The following CDK15 variants were observed in gnomAD, a reference collection of about 807,000 sequenced individuals.
CDK15 encodes the protein cyclin-dependent kinase 15.
A neutral mutation model predicts 60.3 loss-of-function variants in CDK15; 62 were observed. The observed-to-expected ratio is 1.03, with a 90% CI of 0.84 to 1.27. The LOEUF (loss-of-function observed/expected upper bound fraction) is 1.27. Among genes scored for constraint, CDK15 ranks in the 50% most tolerant of loss-of-function variants. CDK15 has a pLI of 0.00. For synonymous variants in CDK15, 194 were observed against 195.7 expected (o/e 0.99, Z 0.07); for missense variants, 541 against 527.8 (o/e 1.03, Z -0.25).
chr2:201,888,962 A>G (rs1699552018), intron 12 of CDK15: 8 of 986,514 alleles, frequency 8.1e-6, no homozygotes, highest in Non-Finnish European at 9.6e-6. Flanking sequence ...AGTAGAATAC[A>G]AAATTGCATA....
At chr2:201,890,984 C>T (rs1021041684) in intron 13 of CDK15, 57 bp downstream of exon 13, 38 of 891,278 alleles carry the variant, frequency 4.3e-5, no homozygotes, top group African/African-American at 6.6e-5. Context: ...CAATTGGTGC[C>T]GGGTGGAGAG....
chr2:201,856,942 G>A (rs544165206), intron 10 of CDK15, among the ~76,000 whole-genome samples: 1 of 50,088 alleles, frequency 2.0e-5, no homozygotes, highest in East Asian at 3.3e-4. Context: ...ACTGGGTTCC[G>A]GCCGGGCGCG....
intron 9 of CDK15, among the ~76,000 whole-genome samples, chr2:201,848,725 G>A (rs1697777325): frequency 6.6e-6 from 1 of 152,124 alleles, no homozygotes; most frequent in South Asian, 2.1e-4. Context: ...TGTGTCAAGG[G>A]GCTTTAAATC....
chr2:201,869,143 T>A (rs946794865), intron 10 of CDK15, among the ~76,000 whole-genome samples: 1 of 152,172 alleles, frequency 6.6e-6, no homozygotes, highest in African/African-American at 2.4e-5. Flanking sequence ...TGTCCATCAA[T>A]GATAGACTGG....
At chr2:201,864,962 G>C (rs1266588992) in intron 10 of CDK15, among the ~76,000 whole-genome samples, 1 of 152,158 alleles carries the variant, frequency 6.6e-6, no homozygotes, top group East Asian at 1.9e-4. Context: ...AAAGAAGAAA[G>C]GACAATGAGG....
chr2:201,870,626 G>A (rs1049994028), intron 10 of CDK15, among the ~76,000 whole-genome samples: 4 of 152,090 alleles, frequency 2.6e-5, no homozygotes, highest in African/African-American at 7.2e-5. Context: ...CTACTCCAGA[G>A]GCTGAGGTGG....
intron 10 of CDK15, among the ~76,000 whole-genome samples, chr2:201,862,470 C>G (rs184656611): frequency 1.1e-3 from 166 of 152,318 alleles, no homozygotes; most frequent in Non-Finnish European, 3.4e-4. Context: ...AACCTGAGTT[C>G]TAGTTCCAAT....
chr2:201,851,671 T>A (rs1301826028), intron 9 of CDK15, among the ~76,000 whole-genome samples: 1 of 152,206 alleles, frequency 6.6e-6, no homozygotes, highest in African/African-American at 2.4e-5. Flanking sequence ...TGCCCACTTT[T>A]TTTTTGGAGA....
chr2:201,823,925 G>A (rs1281542044), intron 6 of CDK15, among the ~76,000 whole-genome samples, 198 bp downstream of exon 6: 1 of 152,140 alleles, frequency 6.6e-6, no homozygotes, highest in Admixed American at 6.5e-5. Flanking sequence ...GAGTTGCTGA[G>A]TTGCTTCTTA....
rs559838588 is a variant in CDK15 at position 201,895,427 on chromosome 2, C to T, written c.*2160C>T. Reference sequence around the variant, plus strand: ...CATATACCTTATGCATATGATTATGCTTGTGCTTCCTTCTTTAATGGATTT... The same window carrying T: ...CATATACCTTATGCATATGATTATGTTTGTGCTTCCTTCTTTAATGGATTT... On this transcript the variant is annotated 3_prime_UTR_variant, in exon 14 of 14. Transcript: ENST00000652192. The T allele has an allele frequency of 6.6e-6, 1 of 152,284 alleles. No individual in the cohort carries two copies. The highest frequency in any genetic ancestry group is 6.5e-5 in the Admixed American group (1 of 15,310). 9.4% of individuals were successfully genotyped at this position (152,284 alleles called of 1,614,324 possible).
chr2:201,875,614 C>T lies in CDK15; in HGVS notation c.1058+3288C>T, dbSNP rs1053596676. 1.2e-4 allele frequency among the ~76,000 whole-genome samples: 19 copies of T among 152,136 alleles called. No individual in the cohort carries two copies. In the East Asian group the frequency reaches 1.9e-3, roughly 15 times the overall value. ...ATTATGATATGCCTACATAATCGAA[C>T]GATAACAGCCAGTAAAATAATGTCC... On this transcript the variant is annotated intron_variant, in intron 11 of 13. Coordinates refer to ENST00000652192, the MANE Select transcript of CDK15 (RefSeq NM_001366386.2).
intron 9 of CDK15, among the ~76,000 whole-genome samples, chr2:201,853,343 A>G (rs1263531729): frequency 2.0e-5 from 3 of 152,150 alleles, no homozygotes; most frequent in African/African-American, 7.2e-5. Context: ...TTTTTATTAT[A>G]TGAGGGAAAA....
In CDK15 at chr2:201,833,828, A is replaced by G; in HGVS notation, c.607-20A>G. The G allele has an allele frequency of 8.7e-6, 14 of 1,609,992 alleles. No individual in the cohort carries two copies. Among genetic ancestry groups the G allele is most frequent in the Non-Finnish European group, 1.2e-5 (14 of 1,178,628 alleles). Reference sequence around the variant, plus strand: ...CGTGGTGGCTCAAATCTCCTTATGGATAGTGTTTCTTCCTTCCAGCTTTTC... The same window carrying G: ...CGTGGTGGCTCAAATCTCCTTATGGGTAGTGTTTCTTCCTTCCAGCTTTTC... On this transcript the variant is annotated intron_variant, in intron 6 of 13. Transcript: ENST00000652192.
intron 10 of CDK15, among the ~76,000 whole-genome samples, chr2:201,857,195 C>T (rs1307218342): frequency 3.8e-5 from 1 of 26,412 alleles, no homozygotes; most frequent in Non-Finnish European, 5.7e-5. Context: ...CACTGCAGTC[C>T]GCAGTCCGAC....
intron 11 of CDK15, among the ~76,000 whole-genome samples, chr2:201,872,839 T>A (rs1192364056): frequency 2.0e-5 from 3 of 152,176 alleles, no homozygotes; most frequent in African/African-American, 7.2e-5. Flanking sequence ...AACTAAGCTG[T>A]GCCAGGCAAC....
At chr2:201,844,052 T>C (rs1247833705) in intron 8 of CDK15, among the ~76,000 whole-genome samples, 1 of 152,204 alleles carries the variant, frequency 6.6e-6, no homozygotes, top group Non-Finnish European at 1.5e-5. Flanking sequence ...CCTAGGAATG[T>C]CATTTTTTGA....
At chr2:201,873,431 G>C (rs1698936978) in intron 11 of CDK15, among the ~76,000 whole-genome samples, 1 of 152,168 alleles carries the variant, frequency 6.6e-6, no homozygotes, top group African/African-American at 2.4e-5. Context: ...GAGATATGTG[G>C]ATTTTAGCAT....
At position 201,893,714 on chromosome 2, in the gene CDK15, CA is replaced by C. The variant is rs1699703479; in HGVS notation, c.*451del. On this transcript the variant is annotated 3_prime_UTR_variant, in exon 14 of 14. Coordinates refer to ENST00000652192, the MANE Select transcript of CDK15 (RefSeq NM_001366386.2). ...TGTGTTCACTTACAATTTCTCCCAA[CA>C]AAAGGATTTCTGTGGCAAGGAGAAA... is the stretch of plus-strand genomic sequence containing the variant. The C allele has an allele frequency of 6.6e-6, 1 of 152,134 alleles. No individual in the cohort carries two copies. Among genetic ancestry groups the C allele is most frequent in the Non-Finnish European group, 1.5e-5 (1 of 68,040 alleles). The allele number at this position is 152,134 out of a possible 1,614,324, so 9.4% of individuals were successfully genotyped here.
At chr2:201,869,307 C>G (rs1574924041) in intron 10 of CDK15, among the ~76,000 whole-genome samples, 1 of 151,328 alleles carries the variant, frequency 6.6e-6, no homozygotes. Context: ...CATGTTCTCA[C>G]TCACAGGGGG....
Sources: allele counts gnomAD v4.1 joint callset (sites outside exome capture counted in the v4.1 genomes callset), GRCh38; gene constraint gnomAD v4.1.1; transcripts MANE v1.5; gene names NCBI Gene and HGNC (gene_info 2026-07-23, HGNC 2026-07-21).